PDE1C: variants seen among roughly 807,000 people sequenced by gnomAD.
PDE1C encodes the protein phosphodiesterase 1C.
Under a neutral mutation model 93.1 loss-of-function variants are expected in PDE1C, and 62 were observed. The ratio of observed to expected loss-of-function variants is 0.67; its 90% CI spans 0.54 to 0.82. PDE1C has a LOEUF of 0.82. Ranked by LOEUF, PDE1C falls within the 40% of genes least tolerant of loss-of-function variation. The pLI, the probability that PDE1C is intolerant of heterozygous loss-of-function variation, is 0.00. For missense variants in PDE1C, 742 were observed against 884.6 expected (o/e 0.84, Z 2.04); for synonymous variants, 325 against 310.1 (o/e 1.05, Z -0.50).
At chr7:31,630,526 T>C in the PDE1C span, among the ~76,000 whole-genome samples, 1,122 of 152,312 alleles carry the variant, frequency 7.4e-3, 16 homozygotes, top group African/African-American at 0.026. Context: ...ATAAAGATTC[T>C]GAGGCTGAAT....
At chr7:32,374,288 A>AAAGAAAGAAAGAAAGAAAGG (rs1784394107) in intron 1 of PDE1C, among the ~76,000 whole-genome samples, 1 of 150,688 alleles carries the variant, frequency 6.6e-6, no homozygotes, top group Non-Finnish European at 1.5e-5. Flanking sequence ...AGAAAGAAAG[A>AAAGAAAGAAAGAAAGAAAGG]AAGAAAGAAA....
At chr7:31,630,300 T>G in the PDE1C span, among the ~76,000 whole-genome samples, 1 of 149,446 alleles carries the variant, frequency 6.7e-6, no homozygotes, top group Non-Finnish European at 1.5e-5. Flanking sequence ...CTACCAAATA[T>G]TGAGTGCCAG....
At chr7:32,137,847 G>A (rs1244758289) in intron 3 of PDE1C, among the ~76,000 whole-genome samples, 5 of 152,124 alleles carry the variant, frequency 3.3e-5, no homozygotes, top group Admixed American at 6.6e-5. Context: ...TGTGTACAAG[G>A]AAATGGTTAC....
rs1331420263 is a variant in PDE1C, at chr7:31,775,685, T to G, written c.1939A>C (p.Thr647Pro). The change falls in exon 17 of 18, where the codon ACG becomes CCG. Residue 647 changes from threonine (T) to proline (P), a missense_variant. Physicochemically the swap from Thr to Pro is conservative, Grantham distance 38. Coordinates refer to ENST00000396191, the MANE Select transcript of PDE1C (RefSeq NM_001191057.4). ...CCACCTGGCAACGTAAGGCGACACGTGGAGCTGGTGCTTGGGGCTGGTGAG... is the reference window on the plus strand; with the variant it reads ...CCACCTGGCAACGTAAGGCGACACGGGGAGCTGGTGCTTGGGGCTGGTGAG... ...HGSPAPSTSS[T>P]CRLTLPVIKP... 5.0e-6 allele frequency: 8 copies of G among 1,612,494 alleles called. No homozygotes were observed. In the Admixed American group the frequency reaches 6.7e-5, roughly 13 times the overall value.
chr7:32,054,218 C>T (rs1184080789), intron 1 of PDE1C, among the ~76,000 whole-genome samples: 1 of 152,140 alleles, frequency 6.6e-6, no homozygotes, highest in African/African-American at 2.4e-5. Flanking sequence ...TGACACCGTT[C>T]TCCGTGGCAT....
chr7:31,707,551 C>G, the PDE1C span: 1 of 397,998 alleles, frequency 2.5e-6, no homozygotes, highest in Non-Finnish European at 4.5e-6. Context: ...GAGGAGGTAA[C>G]AGGGAAAGCA....
At chr7:32,042,595 A>C (rs765046933) in intron 2 of PDE1C, among the ~76,000 whole-genome samples, 5 of 152,198 alleles carry the variant, frequency 3.3e-5, no homozygotes, top group Non-Finnish European at 5.9e-5. Context: ...GTGCTTGCCA[A>C]AGTTTGTGCT....
the PDE1C span, among the ~76,000 whole-genome samples, chr7:31,718,814 G>T: frequency 3.9e-5 from 6 of 152,304 alleles, no homozygotes; most frequent in South Asian, 4.1e-4. Flanking sequence ...CCTAGCTGCT[G>T]CTAGGCACCC....
At chr7:31,903,931 T>C (rs1702536091) in intron 2 of PDE1C, among the ~76,000 whole-genome samples, 1 of 152,186 alleles carries the variant, frequency 6.6e-6, no homozygotes, top group South Asian at 2.1e-4. Context: ...GAGATAAATA[T>C]GATTGAGACA....
At chr7:32,404,436 C>T (rs534837594) in intron 1 of PDE1C, among the ~76,000 whole-genome samples, 3 of 152,166 alleles carry the variant, frequency 2.0e-5, no homozygotes, top group Non-Finnish European at 4.4e-5. Flanking sequence ...TCACTACAGC[C>T]TCAGCCTCCT....
At chr7:31,721,007 C>A in the PDE1C span, among the ~76,000 whole-genome samples, 2 of 152,164 alleles carry the variant, frequency 1.3e-5, no homozygotes, top group African/African-American at 4.8e-5. Context: ...GGCCCCATCA[C>A]CAAATCCTCA....
intron 6 of PDE1C, among the ~76,000 whole-genome samples, chr7:31,872,963 T>C (rs1796121950): frequency 6.6e-6 from 1 of 152,098 alleles, no homozygotes. Context: ...CGTTGGTCAA[T>C]AGGACACAAA....
At chr7:32,089,431 G>A (rs1190042181) in intron 3 of PDE1C, among the ~76,000 whole-genome samples, 1 of 152,144 alleles carries the variant, frequency 6.6e-6, no homozygotes, top group Non-Finnish European at 1.5e-5. Flanking sequence ...ACAGCCCTCT[G>A]ACTCAAAGCC....
chr7:32,102,856 C>T (rs1380585430), intron 3 of PDE1C, among the ~76,000 whole-genome samples: 2 of 152,158 alleles, frequency 1.3e-5, no homozygotes, highest in South Asian at 2.1e-4. Flanking sequence ...CATGCATACA[C>T]GGAGGCCTCT....
chr7:31,644,025 A>T, the PDE1C span: 1 of 1,391,656 alleles, frequency 7.2e-7, no homozygotes, highest in Non-Finnish European at 9.7e-7. Flanking sequence ...TAATATTCAG[A>T]CTTCCTTGCT....
chr7:31,900,635 C>T (rs555540053), intron 2 of PDE1C, among the ~76,000 whole-genome samples: 7 of 151,476 alleles, frequency 4.6e-5, no homozygotes, highest in East Asian at 1.9e-4. Context: ...GAAAAAAGCT[C>T]GGTAATTTTA....
chr7:32,111,486 C>A (rs150971052), intron 3 of PDE1C, among the ~76,000 whole-genome samples: 8 of 152,232 alleles, frequency 5.3e-5, no homozygotes, highest in African/African-American at 1.4e-4. Flanking sequence ...GATGAGGTGG[C>A]AGGCAAGGAT....
intron 2 of PDE1C, among the ~76,000 whole-genome samples, chr7:31,947,382 A>G (rs1806762364): frequency 6.6e-6 from 1 of 152,254 alleles, no homozygotes; most frequent in South Asian, 2.1e-4. Context: ...TAGCCTAGAC[A>G]AGTTTACAAA....
At chr7:32,243,220 G>A (rs1244646715) in intron 1 of PDE1C, among the ~76,000 whole-genome samples, 1 of 152,172 alleles carries the variant, frequency 6.6e-6, no homozygotes, top group Non-Finnish European at 1.5e-5. Flanking sequence ...TAGGAAAATG[G>A]TTCAGAGACA....
Sources: allele counts gnomAD v4.1 joint callset (sites outside exome capture counted in the v4.1 genomes callset), GRCh38; gene constraint gnomAD v4.1.1; transcripts MANE v1.5; gene names NCBI Gene and HGNC (gene_info 2026-07-23, HGNC 2026-07-21).